WFS1: variants seen among roughly 807,000 people sequenced by gnomAD.
The protein encoded by WFS1 is wolframin.
Under a neutral mutation model 68.5 loss-of-function variants are expected in WFS1, and 90 were observed. The observed-to-expected ratio is 1.31, with a 90% CI of 1.11 to 1.56. The LOEUF is 1.56. Ranked by LOEUF, WFS1 falls within the 40% of genes most tolerant of loss-of-function variation. The probability of loss-of-function intolerance (pLI) is 0.00; values close to 1 mark genes in which losing one functional copy is unlikely to be tolerated. For missense variants in WFS1, 1,767 were observed against 1,232.6 expected (o/e 1.43, Z -6.49); for synonymous variants, 860 against 540.7 (o/e 1.59, Z -8.19).
chr4:6,301,577 C>G lies in WFS1; in HGVS notation c.1782C>G (p.Leu594=). Residue 594 remains leucine, a synonymous_variant, in exon 8 of 8, where the codon CTC becomes CTG. Coordinates refer to ENST00000226760, the MANE Select transcript of WFS1 (RefSeq NM_006005.3). ...CCCGGTGGTTCACGTCTCTGGAGCT[C>G]ACCAAGATCGCAGTCACCGTGGCGG... ...QFARWFTSLE[L]TKIAVTVAVC... The G allele has an allele frequency of 6.2e-7, 1 of 1,614,168 alleles. No homozygotes were observed. Among genetic ancestry groups the G allele is most frequent in the Non-Finnish European group, 8.5e-7 (1 of 1,180,036 alleles).
intron 7 of WFS1, among the ~76,000 whole-genome samples, chr4:6,295,864 C>T (rs982624956): frequency 4.6e-5 from 7 of 152,244 alleles, no homozygotes; most frequent in African/African-American, 1.4e-4. Context: ...CAGAGTTGCT[C>T]ACAGTTCAGC....
chr4:6,292,528 G>A (rs1730496056), intron 6 of WFS1, among the ~76,000 whole-genome samples: 1 of 152,120 alleles, frequency 6.6e-6, no homozygotes, highest in Admixed American at 6.5e-5. Context: ...ACTGAGCTGG[G>A]GGTGCCTCTG....
chr4:6,300,554 C>G (rs1178304974), intron 7 of WFS1, 103 bp from the exon 8 acceptor site: 1 of 1,542,718 alleles, frequency 6.5e-7, no homozygotes, highest in Non-Finnish European at 8.8e-7. Context: ...CGCAAGGGTG[C>G]GGGTTCCTTT....
chr4:6,292,440 C>T (rs1560411227), intron 6 of WFS1, among the ~76,000 whole-genome samples: 1 of 152,086 alleles, frequency 6.6e-6, no homozygotes, highest in Admixed American at 6.6e-5. Context: ...GGGGCTCTGC[C>T]CCAGCGTAGG....
In WFS1 at chr4:6,291,097, G is replaced by A; in HGVS notation, c.461-100G>A. On this transcript the variant is annotated intron_variant, in intron 4 of 7. Coordinates refer to ENST00000226760, the MANE Select transcript of WFS1 (RefSeq NM_006005.3). ...AACCAAGTCCTGACACCTTCTATGA[G>A]TCTCGCTCGAAAGCCTTCCAGGCAG... is the stretch of plus-strand genomic sequence containing the variant. The A allele has an allele frequency of 2.9e-6, 4 of 1,372,830 alleles. No individual in the cohort carries two copies. The South Asian group carries it at 4.8e-5, about 16-fold the overall frequency. 85.0% of individuals were successfully genotyped at this position (1,372,830 alleles called of 1,614,324 possible). A position where few individuals can be genotyped will look rare whatever the true frequency, so the allele number is the denominator to read the frequency against.
At chr4:6,289,257 C>A in intron 4 of WFS1, 126 bp downstream of exon 4, 1 of 1,329,200 alleles carries the variant, frequency 7.5e-7, no homozygotes, top group Non-Finnish European at 1.0e-6. Context: ...ATTTCAGTTT[C>A]TGTTTTGCTG....
intron 7 of WFS1, among the ~76,000 whole-genome samples, chr4:6,300,337 C>T (rs531946386): frequency 3.4e-4 from 51 of 152,178 alleles, no homozygotes; most frequent in Admixed American, 2.0e-3. Flanking sequence ...GTGGGGAGCC[C>T]GTGGGTCCCT....
At chr4:6,293,596 T>G (rs1730530812) in intron 6 of WFS1, among the ~76,000 whole-genome samples, 1 of 152,132 alleles carries the variant, frequency 6.6e-6, no homozygotes, top group African/African-American at 2.4e-5. Flanking sequence ...CAGAGATGAC[T>G]GCTCTTCTCC....
intron 5 of WFS1, 86 bp from the exon 6 acceptor site, chr4:6,291,831 G>A: frequency 1.4e-6 from 2 of 1,425,532 alleles, no homozygotes; most frequent in Non-Finnish European, 1.9e-6. Context: ...GCGTGCCCTA[G>A]GAACAGTGCG....
chr4:6,294,863 C>G (rs891731246), intron 6 of WFS1, 178 bp from the exon 7 acceptor site: 24 of 997,470 alleles, frequency 2.4e-5, no homozygotes, highest in Admixed American at 2.3e-4. Context: ...CCCCTTCCTC[C>G]TCACCCAGCC....
intron 2 of WFS1, among the ~76,000 whole-genome samples, chr4:6,279,466 T>C (rs1188954811): frequency 2.0e-5 from 3 of 151,814 alleles, no homozygotes; most frequent in African/African-American, 7.3e-5. Context: ...GGAGGGGAGA[T>C]TTAAACATAC....
At chr4:6,278,685 A>G (rs1730066707) in intron 2 of WFS1, among the ~76,000 whole-genome samples, 1 of 152,180 alleles carries the variant, frequency 6.6e-6, no homozygotes, top group Non-Finnish European at 1.5e-5. Flanking sequence ...CTGTGGTCGC[A>G]GCGCGCTGAG....
Position 6,291,313 on chromosome 4 carries a change from A to AAGG in WFS1, c.579_580insGAG (p.Lys193_Gln194insGlu), listed in dbSNP as rs750785392. On this transcript the variant is annotated inframe_insertion, in exon 5 of 8. Coordinates refer to ENST00000226760, the MANE Select transcript of WFS1 (RefSeq NM_006005.3). ...CTGGAAGCTCAACCCCAAGAAGAAG[A>AAGG]AGCAGGTGGCCGTGGCGGAGCTGCT... The AAGG allele has an allele frequency of 6.2e-7, 1 of 1,613,240 alleles. No individual in the cohort carries two copies. Among genetic ancestry groups the AAGG allele is most frequent in the South Asian group, 1.1e-5 (1 of 91,048 alleles).
chr4:6,299,108 A>C (rs534521433), intron 7 of WFS1, among the ~76,000 whole-genome samples: 3 of 152,214 alleles, frequency 2.0e-5, no homozygotes, highest in Non-Finnish European at 4.4e-5. Context: ...CACTGGCACC[A>C]TGGCCACTTT....
chr4:6,272,126 C>A (rs1335784752), intron 1 of WFS1, among the ~76,000 whole-genome samples: 1 of 152,216 alleles, frequency 6.6e-6, no homozygotes, highest in Non-Finnish European at 1.5e-5. Context: ...GTGAGGGCCC[C>A]CTTCTGTGCC....
intron 1 of WFS1, among the ~76,000 whole-genome samples, chr4:6,275,612 T>G (rs369755177): frequency 6.5e-4 from 54 of 82,918 alleles, no homozygotes; most frequent in South Asian, 1.4e-3. Context: ...GGGGGGGGGG[T>G]GTGCTTGACC....
intron 5 of WFS1, 51 bp downstream of exon 5, chr4:6,291,418 A>G (rs745773456): frequency 2.5e-6 from 4 of 1,600,266 alleles, no homozygotes; most frequent in African/African-American, 1.3e-5. Flanking sequence ...CAGCCTTCCC[A>G]CAGGAGCCAG....
At chr4:6,276,046 C>T (rs1187772820) in intron 1 of WFS1, among the ~76,000 whole-genome samples, 3 of 152,230 alleles carry the variant, frequency 2.0e-5, no homozygotes, top group East Asian at 1.9e-4. Context: ...TACAGCGCTG[C>T]GGCAGCTTGG....
chr4:6,300,059 G>T (rs1346313308), intron 7 of WFS1, among the ~76,000 whole-genome samples: 1 of 152,050 alleles, frequency 6.6e-6, no homozygotes, highest in Non-Finnish European at 1.5e-5. Context: ...GCAGCCCCGT[G>T]CAGCTGAACG....
Sources: allele counts gnomAD v4.1 joint callset (sites outside exome capture counted in the v4.1 genomes callset), GRCh38; gene constraint gnomAD v4.1.1; transcripts MANE v1.5; gene names NCBI Gene and HGNC (gene_info 2026-07-23, HGNC 2026-07-21).